USP25: variants seen among roughly 807,000 people sequenced by gnomAD.
USP25 encodes the protein ubiquitin carboxyl-terminal hydrolase 25.
USP25 carries 85 observed loss-of-function variants against 158.5 expected under a neutral mutation model. The ratio of observed to expected loss-of-function variants is 0.54; its 90% CI spans 0.45 to 0.64. The LOEUF (loss-of-function observed/expected upper bound fraction) is 0.64. Ranked by LOEUF, USP25 falls within the 30% of genes least tolerant of loss-of-function variation. USP25 has a pLI of 0.00. For missense variants in USP25, 1,242 were observed against 1,327.3 expected, an observed-to-expected ratio of 0.94 and a Z score of 1.00; for synonymous variants, 464 against 460.4, an observed-to-expected ratio of 1.01 and a Z score of -0.10.
At chr21:15,838,938 C>T (rs1265350143) in intron 17 of USP25, among the ~76,000 whole-genome samples, 1 of 152,110 alleles carries the variant, frequency 6.6e-6, no homozygotes, top group South Asian at 2.1e-4. Context: ...ACAAAAGGAG[C>T]AGACTCAGAG....
intron 20 of USP25, among the ~76,000 whole-genome samples, chr21:15,853,345 G>A (rs2038981984): frequency 6.6e-6 from 1 of 151,722 alleles, no homozygotes; most frequent in African/African-American, 2.4e-5. Flanking sequence ...ACACATACAT[G>A]TACACACACA....
intron 1 of USP25, among the ~76,000 whole-genome samples, chr21:15,747,042 ATTTG>A (rs2032615913): frequency 6.6e-6 from 1 of 152,064 alleles, no homozygotes. Context: ...CAGTTAAACT[ATTTG>A]TTTATATATC....
At chr21:15,795,572 A>G (rs548256841) in intron 5 of USP25, among the ~76,000 whole-genome samples, 1 of 151,716 alleles carries the variant, frequency 6.6e-6, no homozygotes, top group African/African-American at 2.4e-5. Flanking sequence ...GTAAGTCTAG[A>G]GAAATGGGAT....
intron 3 of USP25, among the ~76,000 whole-genome samples, chr21:15,774,305 T>A (rs1600867035): frequency 6.6e-6 from 1 of 152,198 alleles, no homozygotes; most frequent in East Asian, 1.9e-4. Context: ...GCTTGAAGAA[T>A]GTCTACTATA....
chr21:15,765,715 G>A (rs2034001605), intron 2 of USP25, among the ~76,000 whole-genome samples: 1 of 151,982 alleles, frequency 6.6e-6, no homozygotes, highest in African/African-American at 2.4e-5. Flanking sequence ...GTATAAGTTT[G>A]TGATTCACTT....
At chr21:15,758,906 G>A (rs2123375305) in intron 1 of USP25, among the ~76,000 whole-genome samples, 1 of 152,242 alleles carries the variant, frequency 6.6e-6, no homozygotes, top group East Asian at 1.9e-4. Context: ...CATGACACAT[G>A]AGGATTATGG....
chr21:15,820,415 A>G (rs2037173696), intron 10 of USP25, among the ~76,000 whole-genome samples: 1 of 151,980 alleles, frequency 6.6e-6, no homozygotes, highest in South Asian at 2.1e-4. Context: ...GAATGCCCCT[A>G]TGTTGCAATA....
intron 1 of USP25, among the ~76,000 whole-genome samples, chr21:15,734,722 A>G (rs2031317432): frequency 1.3e-5 from 2 of 152,128 alleles, no homozygotes; most frequent in Admixed American, 6.5e-5. Context: ...TTTCTATTAT[A>G]TATTGTTTCC....
chr21:15,864,172 A>AAT, intron 20 of USP25, 96 bp from the exon 21 acceptor site: 1 of 1,270,594 alleles, frequency 7.9e-7, no homozygotes, highest in Non-Finnish European at 1.1e-6. Context: ...AAAAAAAAAA[A>AAT]GATTTAAATG....
intron 5 of USP25, among the ~76,000 whole-genome samples, chr21:15,794,271 T>C (rs2035745234): frequency 6.6e-6 from 1 of 151,564 alleles, no homozygotes; most frequent in Non-Finnish European, 1.5e-5. Flanking sequence ...AATATTTTGG[T>C]AGAAAGGGGG....
At chr21:15,866,215 A>G in intron 21 of USP25, 51 bp from the exon 22 acceptor site, 1 of 1,128,848 alleles carries the variant, frequency 8.9e-7, no homozygotes, top group Non-Finnish European at 1.2e-6. Flanking sequence ...ATATATATAT[A>G]TATATACACA....
chr21:15,866,238 C>T (rs537233656), intron 21 of USP25, 28 bp from the exon 22 acceptor site: 68 of 1,512,278 alleles, frequency 4.5e-5, no homozygotes, highest in African/African-American at 8.4e-5. Flanking sequence ...CATACACACA[C>T]GCTCATATGT....
chr21:15,777,408 T>A (rs2034719098), intron 3 of USP25, among the ~76,000 whole-genome samples: 1 of 152,208 alleles, frequency 6.6e-6, no homozygotes, highest in Non-Finnish European at 1.5e-5. Context: ...AAAAAATGTA[T>A]GTGTAAATGT....
chr21:15,831,550 G>A lies in USP25; in HGVS notation c.1914G>A (p.Arg638=), dbSNP rs749694826. ...AATCATCATGGGAAGAGCTAGTGAGGGACTCTTTTGGTGGTTATAGAAATG... is the reference window on the plus strand; with the variant it reads ...AATCATCATGGGAAGAGCTAGTGAGAGACTCTTTTGGTGGTTATAGAAATG... The part of the protein sequence containing the change: ...VTKSSWEELV[R]DSFGGYRNAS... Residue 638 remains arginine, a synonymous_variant, in exon 16 of 26, where the codon AGG becomes AGA. Transcript: ENST00000400183. 1 of 1,613,774 alleles carries A rather than the reference G, an allele frequency of 6.2e-7. No individual in the cohort carries two copies. Among genetic ancestry groups the A allele is most frequent in the Non-Finnish European group, 8.5e-7 (1 of 1,179,926 alleles).
intron 1 of USP25, among the ~76,000 whole-genome samples, chr21:15,730,976 G>GTTTTTTTTTTTTTTTTTTTTTTTTTT (rs748732727): frequency 3.7e-5 from 2 of 53,646 alleles, no homozygotes; most frequent in Non-Finnish European, 6.8e-5. Flanking sequence ...CTTCTTTTCT[G>GTTTTTTTTTTTTTTTTTTTTTTTTTT]TTTTTTTTTT....
At chr21:15,840,932 A>G (rs762781635) in intron 17 of USP25, among the ~76,000 whole-genome samples, 16 of 152,202 alleles carry the variant, frequency 1.1e-4, no homozygotes, top group Non-Finnish European at 1.8e-4. Flanking sequence ...AGCAGCTGGC[A>G]TGAGCCACCT....
intron 3 of USP25, among the ~76,000 whole-genome samples, chr21:15,769,267 T>G (rs1225449697): frequency 1.3e-5 from 2 of 152,040 alleles, no homozygotes; most frequent in Admixed American, 1.3e-4. Context: ...TTGGTGTACT[T>G]TTTACCTTTC....
At chr21:15,842,330 A>G (rs948291797) in intron 17 of USP25, 68 bp from the exon 18 acceptor site, 19 of 1,487,198 alleles carry the variant, frequency 1.3e-5, no homozygotes, top group Admixed American at 2.2e-5. Flanking sequence ...AGAAATGAAT[A>G]AAAGATTTAT....
chr21:15,804,208 G>C (rs913392835), intron 6 of USP25, among the ~76,000 whole-genome samples: 1 of 151,702 alleles, frequency 6.6e-6, no homozygotes, highest in Non-Finnish European at 1.5e-5. Flanking sequence ...GCTTTAATGA[G>C]CCAGTAAGAA....
Sources: gnomAD v4.1 joint callset for allele counts (sites outside exome capture counted in the v4.1 genomes callset) on GRCh38, gnomAD v4.1.1 for gene constraint, MANE v1.5 for transcripts, NCBI Gene and HGNC (gene_info 2026-07-23, HGNC 2026-07-21) for gene names.